The following CDH22 variants were observed in gnomAD, a reference collection of about 807,000 sequenced individuals.
CDH22 encodes the protein cadherin 22.
CDH22 carries 30 observed loss-of-function variants against 58.4 expected under a neutral mutation model. The ratio of observed to expected loss-of-function variants is 0.51; its 90% confidence interval spans 0.38 to 0.70. The LOEUF (loss-of-function observed/expected upper bound fraction) is 0.70, where lower values mean the gene tolerates loss of function less well. CDH22 is among the 30% of genes least tolerant of loss of function. The pLI, the probability that CDH22 is intolerant of heterozygous loss-of-function variation, is 0.00. For synonymous variants in CDH22, 513 were observed against 558.2 expected, an observed-to-expected ratio of 0.92 and a Z score of 1.14; for missense variants, 1,014 against 1,233.9, an observed-to-expected ratio of 0.82 and a Z score of 2.67.
chr20:46,304,474 CAA>C (rs2086665755), intron 1 of CDH22, among the ~76,000 whole-genome samples: 1 of 152,230 alleles, frequency 6.6e-6, no homozygotes, highest in African/African-American at 2.4e-5. Flanking sequence ...CAGCAAGTCA[CAA>C]ACTCAGGCTG....
intron 1 of CDH22, among the ~76,000 whole-genome samples, chr20:46,298,080 C>A (rs2086636566): frequency 6.6e-6 from 1 of 152,206 alleles, no homozygotes; most frequent in Non-Finnish European, 1.5e-5. Flanking sequence ...AGCCCAAATG[C>A]ATTATCAGAT....
chr20:46,222,533 C>T (rs1183380848), intron 4 of CDH22, among the ~76,000 whole-genome samples: 1 of 152,234 alleles, frequency 6.6e-6, no homozygotes. Context: ...CAGCAGAGAT[C>T]TTGAAATCTC....
rs192289485 is a variant in CDH22, at chr20:46,292,238, C to T, written c.-400+16017G>A. Among the ~76,000 whole-genome samples, 1,061 of 152,296 alleles carry T rather than the reference C, an allele frequency of 7.0e-3. 5 individuals are homozygous for T. The highest frequency in any genetic ancestry group is 0.017 in the East Asian group (86 of 5,174). ...CCCCAGGGTGAGTGTTGAGTGCCAA[C>T]GATATGGCAGGAGCTGGCTGCCTGT... On this transcript the variant is annotated intron_variant, in intron 1 of 11. Coordinates refer to ENST00000537909, the MANE Select transcript of CDH22 (RefSeq NM_021248.3).
rs930345619 is a variant in CDH22 at position 46,179,830 on chromosome 20, C to A, written c.1664-1633G>T. ...TAATGCTGATTAATATTTTTTCAGACCCCGCCCCCATCTTCCCTGTGCTGC... is the reference window on the plus strand; with the variant it reads ...TAATGCTGATTAATATTTTTTCAGAACCCGCCCCCATCTTCCCTGTGCTGC... On this transcript the variant is annotated intron_variant, in intron 10 of 11. Transcript: ENST00000537909. 2.0e-5 allele frequency among the ~76,000 whole-genome samples: 3 copies of A among 152,110 alleles called. No individual in the cohort carries two copies. The East Asian group carries it at 5.8e-4, about 29-fold the overall frequency.
At position 46,216,556 on chromosome 20, in the gene CDH22, G is replaced by A. The variant is rs957774436; in HGVS notation, c.838+270C>T. On this transcript the variant is annotated intron_variant, in intron 5 of 11. Transcript: ENST00000537909. This position sits in a 1 kb window ranked among gnomAD's most constrained non-coding sequence, Gnocchi z 5.3. ...GGATGGGTGGGGCTCCCCCTCTGCC[G>A]GAAGCAAGAGGAGGTCTGGGAAGGT... Among the ~76,000 whole-genome samples the A allele has an allele frequency of 1.3e-5, 2 of 152,134 alleles. No homozygotes were observed. Among genetic ancestry groups the A allele is most frequent in the Non-Finnish European group, 1.5e-5 (1 of 68,016 alleles).
chr20:46,174,227 AC>A lies in CDH22; in HGVS notation c.*278del. On this transcript the variant is annotated 3_prime_UTR_variant, in exon 12 of 12. Transcript: ENST00000537909. This position sits in a 1 kb window ranked among gnomAD's most constrained non-coding sequence, Gnocchi z 4.4. ...CGCCCCTTCCCGACTCTGCAACGCC[AC>A]CCCCATCTCCCATTCTAACCCCAGA... 2.3e-6 allele frequency: 1 copy of A among 443,754 alleles called. No individual in the cohort carries two copies. The allele number at this position is 443,754 out of a possible 1,614,324, so 27.5% of individuals were successfully genotyped here. A position where few individuals can be genotyped will look rare whatever the true frequency, so the allele number is the denominator to read the frequency against.
intron 8 of CDH22, among the ~76,000 whole-genome samples, chr20:46,198,980 C>A (rs570342373): frequency 6.6e-6 from 1 of 152,298 alleles, no homozygotes; most frequent in South Asian, 2.1e-4. Flanking sequence ...CTTAGCATCA[C>A]CTGACATATT....
intron 10 of CDH22, among the ~76,000 whole-genome samples, chr20:46,180,483 A>G (rs1397736273): frequency 1.3e-5 from 2 of 152,160 alleles, no homozygotes; most frequent in Non-Finnish European, 2.9e-5. Flanking sequence ...TCTGCAGGGG[A>G]AGAAAGGGGG....
intron 1 of CDH22, among the ~76,000 whole-genome samples, chr20:46,258,143 T>C (rs1291030152): frequency 6.6e-6 from 1 of 152,146 alleles, no homozygotes; most frequent in Non-Finnish European, 1.5e-5. Context: ...AGGTCATTAG[T>C]GACCTTGCTG....
At chr20:46,186,547 T>C (rs200064161) in intron 10 of CDH22, 41 bp downstream of exon 10, 13 of 1,372,410 alleles carry the variant, frequency 9.5e-6, no homozygotes, top group East Asian at 2.3e-5. Context: ...GCAGGGAGAC[T>C]GTGCCCCTCC....
intron 1 of CDH22, among the ~76,000 whole-genome samples, chr20:46,305,420 G>C (rs183446606): frequency 1.6e-3 from 243 of 152,310 alleles, no homozygotes; most frequent in Non-Finnish European, 3.2e-3. Context: ...TTCTCTCTGA[G>C]CCTGACCTGA....
At chr20:46,181,318 C>T (rs1051561310) in intron 10 of CDH22, among the ~76,000 whole-genome samples, 24 of 151,968 alleles carry the variant, frequency 1.6e-4, no homozygotes, top group Non-Finnish European at 2.6e-4. Context: ...TCTAGGAGGT[C>T]GGGGAGAGCT....
chr20:46,183,012 C>T (rs1004870175), intron 10 of CDH22, among the ~76,000 whole-genome samples: 3 of 148,406 alleles, frequency 2.0e-5, no homozygotes, highest in Non-Finnish European at 3.0e-5. Context: ...GCTCTGGTGC[C>T]CCCCCCTCTC....
chr20:46,213,996 C>T (rs966115567), intron 5 of CDH22, among the ~76,000 whole-genome samples: 3 of 151,980 alleles, frequency 2.0e-5, no homozygotes, highest in African/African-American at 2.4e-5. Context: ...GAGGGTGTTG[C>T]GCAGTTTTAA....
intron 6 of CDH22, among the ~76,000 whole-genome samples, chr20:46,211,193 G>A (rs939243127): frequency 6.6e-6 from 1 of 152,240 alleles, no homozygotes; most frequent in Non-Finnish European, 1.5e-5. Flanking sequence ...TGATGAATGA[G>A]CTCCATGGCT....
intron 1 of CDH22, among the ~76,000 whole-genome samples, chr20:46,253,289 C>T (rs570154046): frequency 3.3e-4 from 51 of 152,302 alleles, no homozygotes; most frequent in South Asian, 2.7e-3. Context: ...GCATCTCCTC[C>T]GGAAAATCTT....
chr20:46,229,297 C>A (rs555023036), intron 3 of CDH22, among the ~76,000 whole-genome samples: 5 of 148,452 alleles, frequency 3.4e-5, no homozygotes, highest in South Asian at 2.3e-4. Flanking sequence ...TGGCCCCCCC[C>A]CCCAATTTTA....
chr20:46,264,479 G>C (rs986665348), intron 1 of CDH22, among the ~76,000 whole-genome samples: 1 of 152,146 alleles, frequency 6.6e-6, no homozygotes, highest in African/African-American at 2.4e-5. Context: ...TTCCATGCAG[G>C]GCACTTTATA....
intron 1 of CDH22, among the ~76,000 whole-genome samples, chr20:46,261,829 G>A (rs1023573039): frequency 6.6e-6 from 1 of 152,142 alleles, no homozygotes; most frequent in Non-Finnish European, 1.5e-5. Context: ...AGGCATGGAG[G>A]GGTGCTGGGA....
Sources: gnomAD v4.1 joint callset for allele counts (sites outside exome capture counted in the v4.1 genomes callset) on GRCh38, gnomAD v4.1.1 for gene constraint, Gnocchi (gnomAD v3.1) non-coding constraint, MANE v1.5 for transcripts, NCBI Gene and HGNC (gene_info 2026-07-23, HGNC 2026-07-21) for gene names.